The following ELF1 variants were observed in gnomAD, a reference collection of about 807,000 sequenced individuals.
The protein encoded by ELF1 is ETS-related transcription factor Elf-1.
In ELF1, 24 loss-of-function variants were observed where a neutral mutation model predicts 59.9. The observed-to-expected ratio is 0.40, with a 90% CI of 0.29 to 0.56. The LOEUF (loss-of-function observed/expected upper bound fraction) is 0.56. Among genes scored for constraint, ELF1 ranks in the 20% least tolerant of loss-of-function variants. The probability of loss-of-function intolerance (pLI) is 0.44; values close to 1 mark genes in which losing one functional copy is unlikely to be tolerated. For missense variants in ELF1, 627 were observed against 742.2 expected (o/e 0.84, Z 1.80); for synonymous variants, 248 against 266.2 (o/e 0.93, Z 0.67).
intron 2 of ELF1, among the ~76,000 whole-genome samples, chr13:40,962,425 G>A (rs1871885773): frequency 6.6e-6 from 1 of 152,076 alleles, no homozygotes; most frequent in Non-Finnish European, 1.5e-5. Flanking sequence ...GCTCATGTCT[G>A]CAATCCCAGC....
Position 40,933,856 on chromosome 13 carries a change from T to C in ELF1, c.1429A>G (p.Met477Val), listed in dbSNP as rs754738116. ...ATGACATTTTCTTTCAGTACTGTCATGGGCTGTGATGATGGAATGGCTTGT... is the reference window on the plus strand; with the variant it reads ...ATGACATTTTCTTTCAGTACTGTCACGGGCTGTGATGATGGAATGGCTTGT... The part of the protein sequence containing the change: ...ILQAIPSSQP[M>V]TVLKENVMLQ... The change falls in exon 9 of 9, where the codon ATG (methionine) becomes GTG (valine). Residue 477 changes from methionine to valine, a missense_variant. Coordinates refer to ENST00000239882, the MANE Select transcript of ELF1 (RefSeq NM_172373.4). 3 of 1,614,238 alleles carry C rather than the reference T, an allele frequency of 1.9e-6. No homozygotes were observed. Among genetic ancestry groups the C allele is most frequent in the Non-Finnish European group, 2.5e-6 (3 of 1,180,046 alleles).
chr13:41,035,180 G>C (rs527759733), intron 1 of ELF1, among the ~76,000 whole-genome samples: 5 of 152,334 alleles, frequency 3.3e-5, no homozygotes, highest in Admixed American at 3.3e-4. Flanking sequence ...TGCATTTTGA[G>C]CACTCAAGGA....
intron 1 of ELF1, among the ~76,000 whole-genome samples, chr13:41,040,180 G>A (rs1270680441): frequency 2.6e-5 from 4 of 152,224 alleles, no homozygotes; most frequent in Middle Eastern, 3.4e-3. Context: ...ATAAATACAC[G>A]TGCAAAGATG....
intron 1 of ELF1, among the ~76,000 whole-genome samples, chr13:41,012,263 A>G (rs780130362): frequency 7.2e-6 from 1 of 138,352 alleles, no homozygotes; most frequent in Non-Finnish European, 1.5e-5. Context: ...CAGAGAGCCG[A>G]GATTGTGCCA....
intron 6 of ELF1, 24 bp downstream of exon 6, chr13:40,943,818 C>T (rs746036585): frequency 6.3e-7 from 1 of 1,593,778 alleles, no homozygotes; most frequent in East Asian, 2.2e-5. Context: ...TGTTATTTGA[C>T]CTATAAGTAT....
At chr13:41,060,006 A>G (rs886412579) in intron 1 of ELF1, among the ~76,000 whole-genome samples, 2 of 152,232 alleles carry the variant, frequency 1.3e-5, no homozygotes, top group African/African-American at 4.8e-5. Context: ...AAGGGAAAGA[A>G]AAAAGATTCT....
At chr13:41,021,212 T>C (rs1875677568), upstream of ELF1, among the ~76,000 whole-genome samples, 1 of 152,216 alleles carries the variant, frequency 6.6e-6, no homozygotes, top group South Asian at 2.1e-4. Flanking sequence ...AGAAAATCCA[T>C]TTATATAATG....
chr13:40,950,490 T>G (rs1350080031), intron 4 of ELF1, among the ~76,000 whole-genome samples: 1 of 139,100 alleles, frequency 7.2e-6, no homozygotes, highest in Non-Finnish European at 1.6e-5. Context: ...AAGATTTCAT[T>G]CATTTTTTTT....
chr13:41,035,961 G>A (rs1876363095), intron 1 of ELF1, among the ~76,000 whole-genome samples: 1 of 150,544 alleles, frequency 6.6e-6, no homozygotes, highest in Non-Finnish European at 1.5e-5. Flanking sequence ...GTACAGTGCA[G>A]TGGCGCAATC....
At chr13:40,936,594 T>C (rs1869786323) in intron 8 of ELF1, among the ~76,000 whole-genome samples, 1 of 151,416 alleles carries the variant, frequency 6.6e-6, no homozygotes, top group Non-Finnish European at 1.5e-5. Context: ...CTATTAAAAA[T>C]ACAAAAATTA....
intron 2 of ELF1, among the ~76,000 whole-genome samples, chr13:40,974,891 G>A (rs990031245): frequency 3.3e-5 from 5 of 152,176 alleles, no homozygotes; most frequent in Non-Finnish European, 7.3e-5. Context: ...CAGCCTTTAT[G>A]CAAAGTCAGA....
chr13:40,997,464 G>A (rs1204586077), intron 1 of ELF1, among the ~76,000 whole-genome samples: 1 of 152,034 alleles, frequency 6.6e-6, no homozygotes, highest in African/African-American at 2.4e-5. Flanking sequence ...CACAATATTG[G>A]CCAGGCTGGT....
chr13:41,060,114 C>T (rs1877454881), intron 1 of ELF1, among the ~76,000 whole-genome samples: 1 of 152,202 alleles, frequency 6.6e-6, no homozygotes, highest in African/African-American at 2.4e-5. Flanking sequence ...CTCGCGCTTG[C>T]TCAGGCGCCG....
At chr13:40,987,021 C>T (rs1267436420) in intron 1 of ELF1, among the ~76,000 whole-genome samples, 2 of 144,648 alleles carry the variant, frequency 1.4e-5, no homozygotes, top group Admixed American at 7.1e-5. Context: ...TTGCAAGCTC[C>T]GCCTCCCGGG....
At chr13:40,942,780 C>T (rs184487100) in intron 7 of ELF1, among the ~76,000 whole-genome samples, 172 bp downstream of exon 7, 113 of 152,246 alleles carry the variant, frequency 7.4e-4, no homozygotes, top group Middle Eastern at 3.4e-3. Context: ...CCTCAGCCTC[C>T]CAAAGTGTTG....
rs137952719 is a variant in ELF1, at chr13:40,949,121, G to A, written c.529+685C>T. 1.9e-3 allele frequency among the ~76,000 whole-genome samples: 291 copies of A among 152,074 alleles called. 1 individual carries two copies. The highest frequency in any genetic ancestry group is 6.7e-3 in the African/African-American group (279 of 41,468). ...CTGCCTCAGCTTCCCAAGTAGCTGGGATTACAGGCACCTGTCAACATGCCC... is the reference window on the plus strand; with the variant it reads ...CTGCCTCAGCTTCCCAAGTAGCTGGAATTACAGGCACCTGTCAACATGCCC... On this transcript the variant is annotated intron_variant, in intron 5 of 8. Coordinates refer to ENST00000239882, the MANE Select transcript of ELF1 (RefSeq NM_172373.4).
intron 1 of ELF1, among the ~76,000 whole-genome samples, chr13:40,987,578 C>T (rs1173072944): frequency 1.5e-5 from 1 of 68,474 alleles, no homozygotes; most frequent in Non-Finnish European, 2.6e-5. Context: ...GAGCAAGACT[C>T]TGTCTCAAAA....
intron 1 of ELF1, among the ~76,000 whole-genome samples, chr13:41,052,733 G>A (rs890594294): frequency 2.6e-5 from 4 of 151,938 alleles, no homozygotes; most frequent in Non-Finnish European, 5.9e-5. Context: ...AAATAAATGA[G>A]TAAATACTTA....
chr13:40,955,342 C>T (rs1426520205), intron 3 of ELF1, among the ~76,000 whole-genome samples: 1 of 145,196 alleles, frequency 6.9e-6, no homozygotes, highest in Non-Finnish European at 1.5e-5. Context: ...TAGCCCCCCA[C>T]CCGGCCAGCC....
Sources: allele counts gnomAD v4.1 joint callset (sites outside exome capture counted in the v4.1 genomes callset), GRCh38; gene constraint gnomAD v4.1.1; transcripts MANE v1.5; gene names NCBI Gene and HGNC (gene_info 2026-07-23, HGNC 2026-07-21).